TPTE2: variants seen among roughly 807,000 people sequenced by gnomAD.
TPTE2 encodes the protein phosphatidylinositol 3,4,5-trisphosphate 3-phosphatase TPTE2.
A neutral mutation model predicts 78.6 loss-of-function variants in TPTE2; 53 were observed. The observed-to-expected ratio is 0.67, with a 90% CI of 0.54 to 0.85. The LOEUF (loss-of-function observed/expected upper bound fraction) is 0.85. Ranked by LOEUF, TPTE2 falls within the 40% of genes least tolerant of loss-of-function variation. The pLI is 0.00. For missense variants in TPTE2, 461 were observed against 623.0 expected (o/e 0.74, Z 2.77); for synonymous variants, 175 against 206.2 (o/e 0.85, Z 1.30).
chr13:19,544,595 A>T, the TPTE2 span, among the ~76,000 whole-genome samples: 1 of 152,200 alleles, frequency 6.6e-6, no homozygotes, highest in East Asian at 1.9e-4. Flanking sequence ...AAGTTATCAT[A>T]TTAAAAGATA....
At chr13:19,442,046 C>G (rs1046606030) in intron 13 of TPTE2, among the ~76,000 whole-genome samples, 1 of 151,810 alleles carries the variant, frequency 6.6e-6, no homozygotes, top group African/African-American at 2.4e-5. Flanking sequence ...GGAACGAAAA[C>G]AGAATGTCAG....
At chr13:19,461,757 T>C (rs181445786) in intron 10 of TPTE2, among the ~76,000 whole-genome samples, 1 of 152,302 alleles carries the variant, frequency 6.6e-6, no homozygotes, top group African/African-American at 2.4e-5. Flanking sequence ...TAAAATGACT[T>C]TCTTTGTCTC....
chr13:19,464,597 A>ATCAGAC, intron 9 of TPTE2, 77 bp from the exon 13 acceptor site: 1 of 1,478,552 alleles, frequency 6.8e-7, no homozygotes, highest in African/African-American at 1.4e-5. Flanking sequence ...TTTATACATG[A>ATCAGAC]TCAGACTCCA....
Position 19,480,796 on chromosome 13 carries a change from T to A in TPTE2, c.179+1692A>T, listed in dbSNP as rs1258225925. On this transcript the variant is annotated intron_variant, in intron 4 of 19. Coordinates refer to ENST00000400230, the Ensembl canonical transcript of TPTE2. ...CTTGATGTTAAAGCACATATCAATA[T>A]CAATAGCGTCACAATCATTCCCTTT... 3.9e-5 allele frequency among the ~76,000 whole-genome samples: 6 copies of A among 152,270 alleles called. No individual in the cohort carries two copies. The East Asian group carries it at 1.2e-3, about 29-fold the overall frequency.
At chr13:19,514,063 TG>T (rs752537236) in intron 1 of TPTE2, among the ~76,000 whole-genome samples, 14 of 152,148 alleles carry the variant, frequency 9.2e-5, no homozygotes, top group Non-Finnish European at 1.9e-4. Context: ...TTCTTGCTGC[TG>T]AGGGCTCCTT....
At chr13:19,539,305 A>G (rs1871371066), upstream of TPTE2, among the ~76,000 whole-genome samples, 1 of 152,214 alleles carries the variant, frequency 6.6e-6, no homozygotes, top group African/African-American at 2.4e-5. Context: ...ATGAAGTGGG[A>G]GGGACCTGAT....
chr13:19,511,664 G>T (rs1360302009), intron 1 of TPTE2, among the ~76,000 whole-genome samples: 2 of 152,106 alleles, frequency 1.3e-5, no homozygotes, highest in Admixed American at 1.3e-4. Context: ...GAACACAGGG[G>T]CTAGCTTTTA....
chr13:19,561,552 G>C, the TPTE2 span, among the ~76,000 whole-genome samples: 7 of 152,170 alleles, frequency 4.6e-5, no homozygotes, highest in Admixed American at 1.3e-4. Flanking sequence ...GTTCTTCCCG[G>C]CCGTTGCGAT....
chr13:19,472,477 A>AT (rs1720004114), intron 6 of TPTE2, among the ~76,000 whole-genome samples: 1 of 152,132 alleles, frequency 6.6e-6, no homozygotes, highest in Non-Finnish European at 1.5e-5. Flanking sequence ...TGCCAATTAC[A>AT]TTTTTTGGCT....
At chr13:19,498,850 T>G (rs1881567421) in intron 1 of TPTE2, among the ~76,000 whole-genome samples, 1 of 152,018 alleles carries the variant, frequency 6.6e-6, no homozygotes, top group African/African-American at 2.4e-5. Context: ...AGACACAGAC[T>G]GGCAAATTGG....
intron 15 of TPTE2, among the ~76,000 whole-genome samples, chr13:19,435,793 C>CACACACACACACA (rs1877038732): frequency 6.7e-6 from 1 of 150,166 alleles, no homozygotes; most frequent in African/African-American, 2.5e-5. Flanking sequence ...CACACACACA[C>CACACACACACACA]CAGGAGTCAT....
At chr13:19,439,467 C>T (rs1273637381) in intron 13 of TPTE2, among the ~76,000 whole-genome samples, 5 of 151,928 alleles carry the variant, frequency 3.3e-5, no homozygotes, top group Non-Finnish European at 5.9e-5. Context: ...AAAGAAAAAT[C>T]CTACCCAAAC....
chr13:19,560,433 C>T, the TPTE2 span: 1 of 1,609,130 alleles, frequency 6.2e-7, no homozygotes, highest in Non-Finnish European at 8.5e-7. Flanking sequence ...CAGCGAAGGC[C>T]AACTCATCCT....
chr13:19,522,619 C>CTTTTTTTTTTTTTT (rs57248346), intron 1 of TPTE2, among the ~76,000 whole-genome samples: 118 of 121,640 alleles, frequency 9.7e-4, no homozygotes, highest in Non-Finnish European at 1.2e-3. Flanking sequence ...CTTTTTTTTT[C>CTTTTTTTTTTTTTT]TTTTTTTTTT....
rs1871133802 is a variant in TPTE2, at chr13:19,535,215, A to AAC, written c.-44+1380_-44+1381insGT. 2.4e-4 allele frequency among the ~76,000 whole-genome samples: 4 copies of AAC among 16,722 alleles called. No homozygotes were observed. The highest frequency in any genetic ancestry group is 1.2e-3 in the African/African-American group (4 of 3,454). The allele number at this position is 16,722 out of a possible 152,430, so 11.0% of individuals were successfully genotyped here. A position where few individuals can be genotyped will look rare whatever the true frequency, so the allele number is the denominator to read the frequency against. On this transcript the variant is annotated intron_variant, in intron 1 of 17. Transcript: ENST00000390680. The surrounding 1 kb of genome is among the most constrained non-coding windows in gnomAD (Gnocchi z 5.1). ...GAGATTCCTTCTCAAAAAAACAAACAAACAAAAAAATATATATATATATAT... is the reference window on the plus strand; with the variant it reads ...GAGATTCCTTCTCAAAAAAACAAACAACAACAAAAAAATATATATATATATAT...
intron 13 of TPTE2, among the ~76,000 whole-genome samples, chr13:19,443,847 G>C (rs1382306088): frequency 4.0e-5 from 6 of 151,888 alleles, no homozygotes; most frequent in Non-Finnish European, 8.8e-5. Flanking sequence ...GTTGATGGCT[G>C]CTATTGCCAC....
At chr13:19,522,923 GCCTT>G (rs1277227013) in intron 1 of TPTE2, among the ~76,000 whole-genome samples, 7 of 152,004 alleles carry the variant, frequency 4.6e-5, no homozygotes, top group Non-Finnish European at 8.8e-5. Flanking sequence ...ACTGCACCCA[GCCTT>G]TGTTTACATT....
the TPTE2 span, among the ~76,000 whole-genome samples, chr13:19,557,043 A>G: frequency 8.5e-5 from 13 of 152,322 alleles, no homozygotes; most frequent in African/African-American, 3.1e-4. Context: ...CTGAACAATC[A>G]CTAAGTCACT....
chr13:19,546,902 G>GA, the TPTE2 span, among the ~76,000 whole-genome samples: 741 of 148,046 alleles, frequency 5.0e-3, 6 homozygotes, highest in African/African-American at 0.017. Flanking sequence ...AGGAGAAAAA[G>GA]AAAAAAAAAT....
Sources: gnomAD v4.1 joint callset for allele counts (sites outside exome capture counted in the v4.1 genomes callset) on GRCh38, gnomAD v4.1.1 for gene constraint, Gnocchi (gnomAD v3.1) non-coding constraint, MANE v1.5 for transcripts, NCBI Gene and HGNC (gene_info 2026-07-23, HGNC 2026-07-21) for gene names.